Variants in IFT43 observed in about 807,000 individuals in gnomAD.
The protein encoded by IFT43 is intraflagellar transport 43.
In IFT43, 33 loss-of-function variants were observed where a neutral mutation model predicts 32.3. That is an observed-to-expected ratio of 1.02 (90% CI 0.77 to 1.37). IFT43 has a LOEUF of 1.37. Among genes scored for constraint, IFT43 ranks in the 40% most tolerant of loss-of-function variants. IFT43 has a pLI of 0.00. For synonymous variants in IFT43, 93 were observed against 98.2 expected (o/e 0.95, Z 0.31); for missense variants, 274 against 265.9 (o/e 1.03, Z -0.21).
intron 3 of IFT43, among the ~76,000 whole-genome samples, chr14:76,052,572 TCTG>T (rs2036935381): frequency 6.6e-6 from 1 of 152,166 alleles, no homozygotes; most frequent in Non-Finnish European, 1.5e-5. Context: ...GATCCAAGAT[TCTG>T]CCATGGTCCC....
At chr14:76,021,540 A>C (rs1048651964) in intron 2 of IFT43, among the ~76,000 whole-genome samples, 3 of 152,222 alleles carry the variant, frequency 2.0e-5, no homozygotes, top group Non-Finnish European at 4.4e-5. Context: ...TTTGAAACTT[A>C]AAATGTATCA....
intron 1 of IFT43, 175 bp downstream of exon 1, chr14:75,986,015 G>A (rs879494273): frequency 6.8e-5 from 104 of 1,525,294 alleles, no homozygotes; most frequent in Non-Finnish European, 8.5e-5. Flanking sequence ...GGGCTCCGCC[G>A]CTGCTGGCCT....
intron 5 of IFT43, among the ~76,000 whole-genome samples, chr14:76,062,917 C>CAAAAAAAAAAAAAA (rs746158153): frequency 6.1e-4 from 44 of 72,474 alleles, no homozygotes; most frequent in African/African-American, 2.3e-3. Flanking sequence ...GATCCCATCT[C>CAAAAAAAAAAAAAA]AAAAAAAAAA....
chr14:76,052,979 G>GT (rs1018777734), intron 3 of IFT43, among the ~76,000 whole-genome samples: 1 of 152,124 alleles, frequency 6.6e-6, no homozygotes, highest in Non-Finnish European at 1.5e-5. Context: ...TGGTGTAAGG[G>GT]TTGGGAACTG....
chr14:76,011,921 C>A lies in IFT43; in HGVS notation c.148-10406C>A, dbSNP rs183761712. The stretch of plus-strand genomic sequence containing the variant: ...GCGTATGCACATACCGTATTACTAT[C>A]AGTCTTTTCACTTGCCAAGCATATA... On this transcript the variant is annotated intron_variant, in intron 2 of 8. Transcript: ENST00000314067. Among the ~76,000 whole-genome samples, 11 of 152,290 alleles carry A rather than the reference C, an allele frequency of 7.2e-5. No individual in the cohort carries two copies. In the East Asian group the frequency reaches 2.1e-3, roughly 29 times the overall value.
chr14:76,009,504 T>G (rs888267112), intron 2 of IFT43, among the ~76,000 whole-genome samples: 3 of 152,240 alleles, frequency 2.0e-5, no homozygotes, highest in African/African-American at 4.8e-5. Context: ...TTCTCATTTC[T>G]CTTTGTAGCC....
intron 5 of IFT43, among the ~76,000 whole-genome samples, chr14:76,074,666 G>A (rs961911839): frequency 6.6e-6 from 1 of 152,328 alleles, no homozygotes; most frequent in South Asian, 2.1e-4. Context: ...GAACATTGCT[G>A]TCTAGGGGAT....
rs370545152 is a variant in IFT43 at position 76,039,259 on chromosome 14, A to G, written c.215+16865A>G. Among the ~76,000 whole-genome samples, 178 of 152,106 alleles carry G rather than the reference A, an allele frequency of 1.2e-3. 4 individuals are homozygous for G. In the South Asian group the frequency reaches 0.035, roughly 30 times the overall value. ...GCTGTCCTCCGGCCTCAGCCTCCTCAGTAGCTGGGACTACAGGTACTCCTG... is the reference window on the plus strand; with the variant it reads ...GCTGTCCTCCGGCCTCAGCCTCCTCGGTAGCTGGGACTACAGGTACTCCTG... On this transcript the variant is annotated intron_variant, in intron 3 of 8. Coordinates refer to ENST00000314067, the MANE Select transcript of IFT43 (RefSeq NM_001102564.3).
chr14:76,062,881 G>T (rs544902566), intron 5 of IFT43, among the ~76,000 whole-genome samples: 1 of 127,168 alleles, frequency 7.9e-6, no homozygotes, highest in South Asian at 2.6e-4. Flanking sequence ...TTGCACCACT[G>T]CACTCCAGCC....
intron 3 of IFT43, 75 bp from the exon 4 acceptor site, chr14:76,058,567 C>G: frequency 6.3e-7 from 1 of 1,587,838 alleles, no homozygotes; most frequent in South Asian, 1.1e-5. Flanking sequence ...ACTTTTGAAA[C>G]CTTCCTCAAG....
At chr14:76,076,524 G>C in intron 5 of IFT43, 1 of 1,598,138 alleles carries the variant, frequency 6.3e-7, no homozygotes, top group Non-Finnish European at 8.5e-7. Flanking sequence ...TACTCCAGGT[G>C]AAGAGCTGGG....
At chr14:76,009,627 T>C (rs892069775) in intron 2 of IFT43, among the ~76,000 whole-genome samples, 7 of 152,202 alleles carry the variant, frequency 4.6e-5, no homozygotes, top group African/African-American at 1.7e-4. Flanking sequence ...AGGTACCTTC[T>C]TCCTAGGTAC....
chr14:76,066,271 G>A (rs1160093091), intron 5 of IFT43, among the ~76,000 whole-genome samples: 2 of 152,146 alleles, frequency 1.3e-5, no homozygotes, highest in Non-Finnish European at 2.9e-5. Flanking sequence ...TTTGCAATTT[G>A]GCCTTTATTT....
At chr14:76,065,114 C>G (rs2037205619) in intron 5 of IFT43, among the ~76,000 whole-genome samples, 1 of 152,148 alleles carries the variant, frequency 6.6e-6, no homozygotes, top group Non-Finnish European at 1.5e-5. Flanking sequence ...CTCGTCCAGA[C>G]CTGTCCTTTG....
At chr14:76,067,830 G>A (rs1391588005) in intron 5 of IFT43, among the ~76,000 whole-genome samples, 1 of 152,182 alleles carries the variant, frequency 6.6e-6, no homozygotes, top group Non-Finnish European at 1.5e-5. Context: ...ACCCAGAGAG[G>A]AGATGCCTGG....
At chr14:75,990,057 C>G (rs1308076509) in intron 2 of IFT43, among the ~76,000 whole-genome samples, 3 of 152,200 alleles carry the variant, frequency 2.0e-5, no homozygotes, top group Non-Finnish European at 2.9e-5. Context: ...CCTAGAAAAA[C>G]TAGCAGCTGA....
At chr14:76,070,385 G>C (rs1042458728) in intron 5 of IFT43, among the ~76,000 whole-genome samples, 27 of 152,062 alleles carry the variant, frequency 1.8e-4, no homozygotes, top group Non-Finnish European at 3.4e-4. Context: ...TTGTCATAGA[G>C]AGAAAGTAGA....
chr14:75,985,846 G>A lies in IFT43; in HGVS notation c.54+6G>A. ...GCTACAGCTTGGCTACCTCCGTGAG[G>A]ACCAATTCGGGGGCCTTGGGGGCCA... On this transcript the variant is annotated splice_donor_region_variant and intron_variant, in intron 1 of 8. Coordinates refer to ENST00000314067, the MANE Select transcript of IFT43 (RefSeq NM_001102564.3). 1 of 1,614,020 alleles carries A rather than the reference G, an allele frequency of 6.2e-7. No individual in the cohort carries two copies. The highest frequency in any genetic ancestry group is 2.2e-5 in the East Asian group (1 of 44,868).
chr14:76,030,249 A>G (rs1010483766), intron 3 of IFT43, among the ~76,000 whole-genome samples: 1 of 152,058 alleles, frequency 6.6e-6, no homozygotes, highest in African/African-American at 2.4e-5. Flanking sequence ...TTTTTCTATA[A>G]TACTAATGAT....
Sources: allele counts gnomAD v4.1 joint callset (sites outside exome capture counted in the v4.1 genomes callset), GRCh38; gene constraint gnomAD v4.1.1; transcripts MANE v1.5; gene names NCBI Gene and HGNC (gene_info 2026-07-23, HGNC 2026-07-21).